AUTS2: variants seen among roughly 807,000 people sequenced by gnomAD.
AUTS2 encodes the protein autism susceptibility gene 2 protein.
In AUTS2, 17 loss-of-function variants were observed where a neutral mutation model predicts 112.4. The ratio of observed to expected loss-of-function variants is 0.15; its 90% CI spans 0.10 to 0.23. The LOEUF is 0.23. AUTS2 is among the 10% of genes least tolerant of loss of function. The pLI, the probability that AUTS2 is intolerant of heterozygous loss-of-function variation, is 1.00. For synonymous variants in AUTS2, 751 were observed against 702.7 expected, an observed-to-expected ratio of 1.07 and a Z score of -1.09; for missense variants, 1,510 against 1,701.6, an observed-to-expected ratio of 0.89 and a Z score of 1.98.
chr7:69,975,553 G>A (rs553878091), intron 2 of AUTS2, among the ~76,000 whole-genome samples: 2 of 151,524 alleles, frequency 1.3e-5, no homozygotes, highest in South Asian at 4.2e-4. Flanking sequence ...TGTTTTGTTT[G>A]TTTGTTTTGT....
intron 1 of AUTS2, among the ~76,000 whole-genome samples, chr7:69,706,395 C>T (rs1798061439): frequency 6.6e-6 from 1 of 152,098 alleles, no homozygotes. Flanking sequence ...ATCCTGCAGC[C>T]GGCCTGGAGA....
At chr7:70,562,229 A>G (rs529270810) in intron 5 of AUTS2, among the ~76,000 whole-genome samples, 2 of 152,350 alleles carry the variant, frequency 1.3e-5, no homozygotes, top group Admixed American at 1.3e-4. Flanking sequence ...CACAAAATGG[A>G]CAAATACACA....
chr7:69,750,375 A>T lies in AUTS2; in HGVS notation c.310-148911A>T, dbSNP rs191403766. ...ATTAGTATTATTATTATATTAAGAT[A>T]TATTAGTATTATACTATTATATTAG... On this transcript the variant is annotated intron_variant, in intron 1 of 18. Transcript: ENST00000342771. 8.1e-5 allele frequency among the ~76,000 whole-genome samples: 12 copies of T among 148,580 alleles called. No individual in the cohort carries two copies. In the East Asian group the frequency reaches 2.3e-3, roughly 29 times the overall value.
intron 5 of AUTS2, among the ~76,000 whole-genome samples, chr7:70,477,167 G>A (rs1266898774): frequency 4.6e-5 from 7 of 152,130 alleles, no homozygotes; most frequent in Non-Finnish European, 8.8e-5. Flanking sequence ...TGTCCTCTCT[G>A]TGGAAAACAT....
intron 1 of AUTS2, among the ~76,000 whole-genome samples, chr7:69,685,097 A>G (rs1797002530): frequency 6.6e-6 from 1 of 152,182 alleles, no homozygotes; most frequent in South Asian, 2.1e-4. Context: ...CTGGCTTTTA[A>G]GGGAGGGCCT....
chr7:70,175,421 C>T (rs1182954071), intron 4 of AUTS2, among the ~76,000 whole-genome samples: 2 of 150,258 alleles, frequency 1.3e-5, no homozygotes, highest in African/African-American at 5.0e-5. Context: ...ATTCCATAAA[C>T]TCAGTTGATA....
At chr7:70,279,315 G>T (rs1057139202) in intron 4 of AUTS2, among the ~76,000 whole-genome samples, 3 of 152,188 alleles carry the variant, frequency 2.0e-5, no homozygotes, top group African/African-American at 7.2e-5. Flanking sequence ...GTGCTTACCA[G>T]TAATGGGGGC....
intron 13 of AUTS2, 36 bp downstream of exon 13, chr7:70,775,422 C>CTA (rs1471930723): frequency 6.4e-7 from 1 of 1,551,846 alleles, no homozygotes; most frequent in East Asian, 2.3e-5. Context: ...TTTGCAACCT[C>CTA]TATTTGACTC....
At chr7:69,767,800 C>T (rs569505162) in intron 1 of AUTS2, among the ~76,000 whole-genome samples, 2 of 152,308 alleles carry the variant, frequency 1.3e-5, no homozygotes, top group African/African-American at 4.8e-5. Flanking sequence ...TTGGGGGATC[C>T]CCCTCTTCAT....
chr7:69,997,530 T>C (rs1799001752), intron 2 of AUTS2, among the ~76,000 whole-genome samples: 1 of 152,196 alleles, frequency 6.6e-6, no homozygotes, highest in Non-Finnish European at 1.5e-5. Context: ...TTTATTTGGC[T>C]CACAGTTCTG....
Position 70,792,183 on chromosome 7 carries a change from G to C in AUTS2, c.*1187G>C, listed in dbSNP as rs1792009719. The C allele has an allele frequency of 6.6e-6, 1 of 152,506 alleles. No individual in the cohort carries two copies. The allele number at this position is 152,506 out of a possible 1,614,324, so 9.4% of individuals were successfully genotyped here. On this transcript the variant is annotated 3_prime_UTR_variant, in exon 19 of 19. Transcript: ENST00000342771. ...GTATTCCAGCTGGTGATCAAGTCTG[G>C]GAACAGCCGTAACAGGTCAACCTTG...
At chr7:70,564,500 C>G (rs1801621667) in intron 5 of AUTS2, among the ~76,000 whole-genome samples, 1 of 152,176 alleles carries the variant, frequency 6.6e-6, no homozygotes. Context: ...TATTTAACAC[C>G]AACAATAACT....
At chr7:70,551,026 TA>T (rs1451122825) in intron 5 of AUTS2, among the ~76,000 whole-genome samples, 2 of 151,978 alleles carry the variant, frequency 1.3e-5, no homozygotes, top group East Asian at 3.9e-4. Context: ...CTCACACTGA[TA>T]GGGGCACATC....
intron 2 of AUTS2, among the ~76,000 whole-genome samples, chr7:70,096,649 G>A (rs1473631225): frequency 6.7e-6 from 1 of 148,992 alleles, no homozygotes; most frequent in Non-Finnish European, 1.5e-5. Flanking sequence ...ACTGTGTAAA[G>A]GACTATACTC....
chr7:69,763,210 T>C (rs1379215540), intron 1 of AUTS2, among the ~76,000 whole-genome samples: 1 of 152,210 alleles, frequency 6.6e-6, no homozygotes, highest in Non-Finnish European at 1.5e-5. Flanking sequence ...AGTTGAATAG[T>C]ACATTAGGGT....
Position 70,766,969 on chromosome 7 carries a change from G to C in AUTS2, c.1689+635G>C, listed in dbSNP as rs532487420. 6.6e-6 allele frequency among the ~76,000 whole-genome samples: 1 copy of C among 152,328 alleles called. No homozygotes were observed. The highest frequency in any genetic ancestry group is 2.1e-4 in the South Asian group (1 of 4,828). On this transcript the variant is annotated intron_variant, in intron 9 of 18. Transcript: ENST00000342771. This position sits in a 1 kb window ranked among gnomAD's most constrained non-coding sequence, Gnocchi z 4.8. The stretch of plus-strand genomic sequence containing the variant: ...AAGAGGAACCACTGGCCATGACATG[G>C]TCTTGCTTTAACTGGGGGCTAGCAC...
intron 5 of AUTS2, among the ~76,000 whole-genome samples, chr7:70,687,107 G>A (rs545343625): frequency 6.6e-6 from 1 of 152,250 alleles, no homozygotes; most frequent in African/African-American, 2.4e-5. Flanking sequence ...TACATGAGCC[G>A]GTAACTAAGG....
chr7:70,276,752 G>T (rs1787947751), intron 4 of AUTS2, among the ~76,000 whole-genome samples: 1 of 152,072 alleles, frequency 6.6e-6, no homozygotes, highest in East Asian at 1.9e-4. Context: ...AGGTCTCTCA[G>T]TTGCAGGCTT....
intron 1 of AUTS2, among the ~76,000 whole-genome samples, chr7:69,897,599 A>C (rs1338201923): frequency 2.0e-5 from 3 of 151,924 alleles, no homozygotes; most frequent in South Asian, 2.1e-4. Context: ...AAAAAAAAAA[A>C]ACAAAAAAAA....
Sources: allele counts gnomAD v4.1 joint callset (sites outside exome capture counted in the v4.1 genomes callset), GRCh38; gene constraint gnomAD v4.1.1; non-coding constraint Gnocchi (gnomAD v3.1); transcripts MANE v1.5; gene names NCBI Gene and HGNC (gene_info 2026-07-23, HGNC 2026-07-21).